The following SLF1 variants were observed in gnomAD, a reference collection of about 807,000 sequenced individuals.
The protein encoded by SLF1 is SMC5-SMC6 complex localization factor protein 1.
SLF1 carries 105 observed loss-of-function variants against 123.0 expected under a neutral mutation model. The ratio of observed to expected loss-of-function variants is 0.85; its 90% CI spans 0.73 to 1.00. The LOEUF is 1.00. Ranked by LOEUF, SLF1 falls within the 50% of genes least tolerant of loss-of-function variation. The pLI is 0.00. For missense variants in SLF1, 1,239 were observed against 1,223.0 expected (o/e 1.01, Z -0.20); for synonymous variants, 434 against 406.6 (o/e 1.07, Z -0.81).
rs1231594797 is a variant in SLF1, at chr5:94,697,122, G to A, written c.*1810G>A. The A allele has an allele frequency of 4.0e-5, 6 of 151,754 alleles. No individual in the cohort carries two copies. The Admixed American group carries it at 4.0e-4, about 10-fold the overall frequency. 9.4% of individuals were successfully genotyped at this position (151,754 alleles called of 1,614,324 possible). ...TTAATATTTCATAATTGACTGCTCT[G>A]TCTGCCAACTTCTACAAGCAGTGAT... is the stretch of plus-strand genomic sequence containing the variant. On this transcript the variant is annotated 3_prime_UTR_variant, in exon 21 of 21. Transcript: ENST00000265140.
chr5:94,625,431 T>A (rs1351282638), intron 1 of SLF1, among the ~76,000 whole-genome samples: 4 of 152,046 alleles, frequency 2.6e-5, no homozygotes, highest in Non-Finnish European at 4.4e-5. Flanking sequence ...TCACCCAGGC[T>A]GGAGTGCAAT....
At chr5:94,689,671 G>C in intron 18 of SLF1, 65 bp downstream of exon 18, 2 of 1,452,428 alleles carry the variant, frequency 1.4e-6, no homozygotes. Context: ...GTACTTGCAG[G>C]TTTCACACAT....
At chr5:94,669,902 CATTAAAT>C (rs1278520404) in intron 12 of SLF1, among the ~76,000 whole-genome samples, 1 of 151,782 alleles carries the variant, frequency 6.6e-6, no homozygotes, top group Non-Finnish European at 1.5e-5. Flanking sequence ...ACCTGCTAGT[CATTAAAT>C]ATTATAATAA....
intron 1 of SLF1, among the ~76,000 whole-genome samples, chr5:94,619,035 C>A (rs1350074292): frequency 6.6e-6 from 1 of 152,094 alleles, no homozygotes; most frequent in African/African-American, 2.4e-5. Flanking sequence ...TGCCACCGAG[C>A]GCCCCTCTGC....
chr5:94,663,973 C>T, intron 11 of SLF1, 65 bp downstream of exon 11: 1 of 1,381,694 alleles, frequency 7.2e-7, no homozygotes, highest in Non-Finnish European at 9.6e-7. Context: ...AACATTTTCT[C>T]ACTTTTTGTA....
At position 94,636,802 on chromosome 5, in the gene SLF1, C is replaced by T. The variant is rs1343645412; in HGVS notation, c.431+6059C>T. On this transcript the variant is annotated intron_variant, in intron 4 of 20. Coordinates refer to ENST00000265140, the MANE Select transcript of SLF1 (RefSeq NM_032290.4). ...GCACAATCTTGGCTCACTGCAACCT[C>T]CTCCTCCTGGGTTCAAGCGAATCCC... 4.0e-5 allele frequency among the ~76,000 whole-genome samples: 6 copies of T among 148,242 alleles called. No homozygotes were observed. The East Asian group carries it at 1.2e-3, about 31-fold the overall frequency.
rs201282046 is a variant in SLF1 at position 94,695,170 on chromosome 5, C to T, written c.3035C>T (p.Ala1012Val). Residue 1012 changes from alanine to valine, a missense_variant, in exon 21 of 21, where the codon GCT becomes GTT. Physicochemically the swap from Ala to Val is moderately conservative, Grantham distance 64. Coordinates refer to ENST00000265140, the MANE Select transcript of SLF1 (RefSeq NM_032290.4). ...VHTDWLLDLY[A>V]GNIKTLQKLP... ...ACTGACTGGTTACTGGATCTTTATGCTGGAAATATAAAGACATTGCAGAAA... is the reference window on the plus strand; with the variant it reads ...ACTGACTGGTTACTGGATCTTTATGTTGGAAATATAAAGACATTGCAGAAA... The T allele has an allele frequency of 1.9e-5, 31 of 1,612,648 alleles. No homozygotes were observed. In the East Asian group the frequency reaches 6.5e-4, roughly 34 times the overall value.
Position 94,660,966 on chromosome 5 carries a change from C to A in SLF1, c.1156-1332C>A, listed in dbSNP as rs75448009. Among the ~76,000 whole-genome samples, 89 of 152,230 alleles carry A rather than the reference C, an allele frequency of 5.8e-4. 1 individual carries two copies. In the East Asian group the frequency reaches 0.016, roughly 27 times the overall value. On this transcript the variant is annotated intron_variant, in intron 9 of 20. Transcript: ENST00000265140. ...GCTGGCCACCTAGTTGCATTGTTGA[C>A]TCCAGCTGGCATCATGACACTGCAG...
rs1283843813 is a variant in SLF1, at chr5:94,653,414, G to A, written c.1025G>A (p.Arg342Lys). 6.7e-7 allele frequency: 1 copy of A among 1,499,286 alleles called. No homozygotes were observed. Among genetic ancestry groups the A allele is most frequent in the East Asian group, 2.6e-5 (1 of 38,228 alleles). 92.9% of individuals were successfully genotyped at this position (1,499,286 alleles called of 1,614,324 possible). A position where few individuals can be genotyped will look rare whatever the true frequency, so the allele number is the denominator to read the frequency against. ...ACCTTAAGAAGGCACATATATAATA[G>A]AGATCAGGTAAAGTTTGTAAGCTAA... ...KSTLRRHIYN[R>K]DQKEMKNSIF... The change falls in exon 8 of 21, where the codon AGA becomes AAA. Residue 342 changes from arginine (R) to lysine (K), a missense_variant. Coordinates refer to ENST00000265140, the MANE Select transcript of SLF1 (RefSeq NM_032290.4).
chr5:94,629,747 C>CT (rs1744997394), intron 3 of SLF1: 1 of 152,120 alleles, frequency 6.6e-6, no homozygotes, highest in Non-Finnish European at 1.5e-5. Context: ...TGAATTTATC[C>CT]TTTTTGGATT....
rs1753545661 is a variant in SLF1 at position 94,696,975 on chromosome 5, T to C, written c.*1663T>C. ...AAAGGCAATATAGTAATTGTTTAAG[T>C]TGGTAGTAATTCTAAGGTAATTAAG... On this transcript the variant is annotated 3_prime_UTR_variant, in exon 21 of 21. Transcript: ENST00000265140. 1 of 151,938 alleles carries C rather than the reference T, an allele frequency of 6.6e-6. No individual in the cohort carries two copies. Among genetic ancestry groups the C allele is most frequent in the South Asian group, 2.1e-4 (1 of 4,832 alleles). 9.4% of individuals were successfully genotyped at this position (151,938 alleles called of 1,614,324 possible).
At chr5:94,672,033 A>G (rs1341039531) in intron 14 of SLF1, among the ~76,000 whole-genome samples, 1 of 152,062 alleles carries the variant, frequency 6.6e-6, no homozygotes. Context: ...TAGGAACCAG[A>G]ATGTGTTTTT....
chr5:94,656,163 G>GA (rs1283638931), intron 9 of SLF1, among the ~76,000 whole-genome samples: 2 of 151,958 alleles, frequency 1.3e-5, no homozygotes, highest in East Asian at 3.9e-4. Context: ...GGATGTTGAA[G>GA]AAATTTTATT....
chr5:94,629,306 A>G, intron 3 of SLF1, 139 bp downstream of exon 3: 1 of 619,906 alleles, frequency 1.6e-6, no homozygotes, highest in South Asian at 4.8e-5. Context: ...TATTTAATAT[A>G]TTTTTTGGCT....
rs145387023 is a variant in SLF1, at chr5:94,630,512, T to C, written c.200T>C (p.Ile67Thr). 6.5e-7 allele frequency: 1 copy of C among 1,547,144 alleles called. No individual in the cohort carries two copies. The highest frequency in any genetic ancestry group is 1.4e-5 in the African/African-American group (1 of 73,096). Residue 67 changes from isoleucine to threonine, a missense_variant, in exon 4 of 21, where the codon ATA becomes ACA. Transcript: ENST00000265140. Reference sequence around the variant, plus strand: ...CTCATTTGCTTTCTAGGAAAGTGGATACTAACCAAGGACTATATAATTCAT... The same window carrying C: ...CTCATTTGCTTTCTAGGAAAGTGGACACTAACCAAGGACTATATAATTCAT... ...FLAACAAGKWILTKDYIIHSA... is the reference protein window; with the variant it reads ...FLAACAAGKWTLTKDYIIHSA...
intron 9 of SLF1, among the ~76,000 whole-genome samples, chr5:94,661,146 T>G (rs999078115): frequency 3.3e-5 from 5 of 152,162 alleles, no homozygotes; most frequent in African/African-American, 1.2e-4. Context: ...CGTGTACTCT[T>G]TCTTTGGAAT....
At chr5:94,622,683 G>A (rs966232104) in intron 1 of SLF1, among the ~76,000 whole-genome samples, 5 of 152,006 alleles carry the variant, frequency 3.3e-5, no homozygotes, top group African/African-American at 1.2e-4. Context: ...AGACAAGTCT[G>A]TAAAGGTTAT....
At chr5:94,688,112 T>C (rs1336214210) in intron 16 of SLF1, among the ~76,000 whole-genome samples, 1 of 152,056 alleles carries the variant, frequency 6.6e-6, no homozygotes, top group African/African-American at 2.4e-5. Context: ...TTTTGTTTTC[T>C]GTTGAAGAAA....
rs1158356820 is a variant in SLF1 at position 94,696,404 on chromosome 5, T to C, written c.*1092T>C. ...CATATTACTGGGTTTGTAATCTAAA[T>C]TGAAAACTGCTATATCAGTATGAAA... On this transcript the variant is annotated 3_prime_UTR_variant, in exon 21 of 21. Transcript: ENST00000265140. 2 of 151,866 alleles carry C rather than the reference T, an allele frequency of 1.3e-5. No individual in the cohort carries two copies. Among genetic ancestry groups the C allele is most frequent in the Non-Finnish European group, 1.5e-5 (1 of 67,832 alleles). The allele number at this position is 151,866 out of a possible 1,614,324, so 9.4% of individuals were successfully genotyped here.
Sources: gnomAD v4.1 joint callset for allele counts (sites outside exome capture counted in the v4.1 genomes callset) on GRCh38, gnomAD v4.1.1 for gene constraint, MANE v1.5 for transcripts, NCBI Gene and HGNC (gene_info 2026-07-23, HGNC 2026-07-21) for gene names.